The following GP6 variants were observed in gnomAD, a reference collection of about 807,000 sequenced individuals.
GP6 encodes the protein glycoprotein VI platelet.
GP6 carries 45 observed loss-of-function variants against 37.3 expected under a neutral mutation model. The observed-to-expected ratio is 1.21, with a 90% confidence interval of 0.95 to 1.55. GP6 has a LOEUF of 1.55. Ranked by LOEUF, GP6 falls within the 40% of genes most tolerant of loss-of-function variation. The pLI, the probability that GP6 is intolerant of heterozygous loss-of-function variation, is 0.00. For synonymous variants in GP6, 340 were observed against 316.4 expected (o/e 1.07, Z -0.79); for missense variants, 813 against 760.2 (o/e 1.07, Z -0.82).
chr19:55,032,711 CAT>C (rs1568639453), intron 1 of GP6, 173 bp from the exon 2 acceptor site: 2 of 743,456 alleles, frequency 2.7e-6, no homozygotes, highest in Non-Finnish European at 2.4e-6. Context: ...GAAAAAGCCA[CAT>C]AGTTTATGAG....
chr19:55,037,330 C>A (rs1158507096), intron 1 of GP6, among the ~76,000 whole-genome samples: 1 of 117,292 alleles, frequency 8.5e-6, no homozygotes, highest in Admixed American at 1.1e-4. Context: ...GATATCAATT[C>A]CACAATTTTT....
intron 1 of GP6, among the ~76,000 whole-genome samples, chr19:55,037,512 TTTTTAG>T: frequency 6.6e-6 from 1 of 151,890 alleles, no homozygotes; most frequent in African/African-American, 2.4e-5. Flanking sequence ...TAATTTTGTA[TTTTTAG>T]TAGAGATGGG....
intron 3 of GP6, among the ~76,000 whole-genome samples, chr19:55,030,849 G>GT (rs1382456400): frequency 6.6e-6 from 1 of 151,942 alleles, no homozygotes; most frequent in Non-Finnish European, 1.5e-5. Context: ...TCTATGGTTA[G>GT]TTTTTTGTTT....
chr19:55,014,390 A>AT lies in GP6; in HGVS notation c.1554dup (p.Phe519IlefsTer5). ...GCTAGTTTTACACTAAGGAAAATGAATGACATACCCAAACTGCCTGCAAGA... is the reference window on the plus strand; with the variant it reads ...GCTAGTTTTACACTAAGGAAAATGAATTGACATACCCAAACTGCCTGCAAGA... On this transcript the variant is annotated frameshift_variant, in exon 8 of 8. Transcript: ENST00000310373. LOFTEE classifies it high-confidence loss of function. 6 of 1,613,814 alleles carry AT rather than the reference A, an allele frequency of 3.7e-6. No homozygotes were observed. Among genetic ancestry groups the AT allele is most frequent in the Non-Finnish European group, 5.1e-6 (6 of 1,179,694 alleles).
intron 1 of GP6, among the ~76,000 whole-genome samples, chr19:55,034,446 C>T (rs1409995495): frequency 6.6e-6 from 1 of 151,812 alleles, no homozygotes; most frequent in Non-Finnish European, 1.5e-5. Context: ...ATCCTAGCTA[C>T]TGGGGAGGCT....
intron 1 of GP6, among the ~76,000 whole-genome samples, chr19:55,034,146 A>G (rs1454168440): frequency 1.1e-4 from 10 of 91,562 alleles, no homozygotes; most frequent in South Asian, 6.4e-4. Context: ...GTATATATGT[A>G]TGCATGTGTG....
intron 4 of GP6, among the ~76,000 whole-genome samples, chr19:55,025,575 G>A (rs1159014366): frequency 6.6e-6 from 1 of 151,880 alleles, no homozygotes; most frequent in Non-Finnish European, 1.5e-5. Flanking sequence ...GCGTGGTGGT[G>A]TGCACCTGTA....
chr19:55,033,057 T>TA (rs2074651979), intron 1 of GP6, among the ~76,000 whole-genome samples: 2 of 24,074 alleles, frequency 8.3e-5, no homozygotes, highest in South Asian at 2.7e-3. Flanking sequence ...CGTGTTGTGT[T>TA]AGACACGGTG....
In GP6 at chr19:55,014,358, G is replaced by A; in HGVS notation, c.1587C>T (p.Cys529=). 6.2e-7 allele frequency: 1 copy of A among 1,611,592 alleles called. No individual in the cohort carries two copies. Among genetic ancestry groups the A allele is most frequent in the Non-Finnish European group, 8.5e-7 (1 of 1,177,982 alleles). The change falls in exon 8 of 8, where the codon TGC becomes TGT. Residue 529 remains cysteine (C), a synonymous_variant. Transcript: ENST00000310373. ...TGTTTTCTAATGTGAAGGGAAGCGGGCAACGTGCTAGTTTTACACTAAGGA... is the reference window on the plus strand; with the variant it reads ...TGTTTTCTAATGTGAAGGGAAGCGGACAACGTGCTAGTTTTACACTAAGGA...
Position 55,013,833 on chromosome 19 carries a change from G to A in GP6, c.*249C>T. 1 of 344,272 alleles carries A rather than the reference G, an allele frequency of 2.9e-6. No homozygotes were observed. The allele number at this position is 344,272 out of a possible 1,614,324, so 21.3% of individuals were successfully genotyped here. ...GGCCTCCCACAGTGCTAGGATTACAGACATGATCCACTGCACTTGGCCCAG... is the reference window on the plus strand; with the variant it reads ...GGCCTCCCACAGTGCTAGGATTACAAACATGATCCACTGCACTTGGCCCAG... On this transcript the variant is annotated 3_prime_UTR_variant, in exon 8 of 8. Coordinates refer to ENST00000310373, the MANE Select transcript of GP6 (RefSeq NM_001083899.2).
At chr19:55,024,954 A>G (rs2074248671) in intron 5 of GP6, among the ~76,000 whole-genome samples, 2 of 152,282 alleles carry the variant, frequency 1.3e-5, no homozygotes, top group African/African-American at 4.8e-5. Context: ...TGGACTCCAC[A>G]GTATAGCAAG....
chr19:55,035,399 C>G (rs776838127), intron 1 of GP6, among the ~76,000 whole-genome samples: 2 of 152,162 alleles, frequency 1.3e-5, no homozygotes, highest in Non-Finnish European at 2.9e-5. Flanking sequence ...ATATTGTACA[C>G]TTGCATATCA....
intron 5 of GP6, among the ~76,000 whole-genome samples, chr19:55,024,879 T>C (rs2074245233): frequency 6.5e-5 from 1 of 15,374 alleles, no homozygotes; most frequent in Non-Finnish European, 2.9e-4. Context: ...TACAGGTTTG[T>C]TGGTTGGTTG....
Position 55,014,909 on chromosome 19 carries a change from G to A in GP6, c.1036C>T (p.Gln346Ter). 1.9e-6 allele frequency: 3 copies of A among 1,613,588 alleles called. No homozygotes were observed. The highest frequency in any genetic ancestry group is 2.5e-6 in the Non-Finnish European group (3 of 1,179,866). ...CCCTCCCTTGGATACGACCGTGCCT[G>A]GGGTTCAGCGGTCATGAACATAACC... The change falls in exon 8 of 8, where the codon CAG (glutamine) becomes TAG (stop). Residue 346 changes from glutamine to a stop codon, truncating the protein, a stop_gained. Coordinates refer to ENST00000310373, the MANE Select transcript of GP6 (RefSeq NM_001083899.2). LOFTEE classifies it low-confidence loss of function (END_TRUNC).
chr19:55,034,981 G>A (rs577113848), intron 1 of GP6, among the ~76,000 whole-genome samples: 99 of 152,198 alleles, frequency 6.5e-4, no homozygotes, highest in Non-Finnish European at 1.2e-3. Context: ...TCCTCCTGCC[G>A]CATCACAGCC....
intron 1 of GP6, 131 bp downstream of exon 1, chr19:55,038,072 C>T: frequency 1.3e-6 from 1 of 775,946 alleles, no homozygotes; most frequent in Non-Finnish European, 2.3e-6. Context: ...CCCCACCCAA[C>T]AAATGAAGGG....
intron 6 of GP6, among the ~76,000 whole-genome samples, chr19:55,018,406 A>C (rs2073953114): frequency 6.6e-6 from 1 of 152,240 alleles, no homozygotes; most frequent in East Asian, 1.9e-4. Flanking sequence ...GTGCGTAGGG[A>C]TGGCGGTCGT....
chr19:55,028,149 G>C (rs1393170027), intron 3 of GP6, among the ~76,000 whole-genome samples: 3 of 152,232 alleles, frequency 2.0e-5, no homozygotes, highest in Non-Finnish European at 4.4e-5. Flanking sequence ...GCCTTGTTCT[G>C]TTAAAATGGG....
At chr19:55,038,105 C>T (rs2074906173) in intron 1 of GP6, 98 bp downstream of exon 1, 1 of 1,015,466 alleles carries the variant, frequency 9.8e-7, no homozygotes, top group Non-Finnish European at 1.5e-6. Context: ...TCCTTTTTGT[C>T]CTGAAATTCA....
Sources: gnomAD v4.1 joint callset for allele counts (sites outside exome capture counted in the v4.1 genomes callset) on GRCh38, gnomAD v4.1.1 for gene constraint, MANE v1.5 for transcripts, NCBI Gene and HGNC (gene_info 2026-07-23, HGNC 2026-07-21) for gene names.